The following GATB variants were observed in gnomAD, a reference collection of about 807,000 sequenced individuals.
GATB encodes the protein glutamyl-tRNA amidotransferase subunit B, also known as glutamyl-tRNA(Gln) amidotransferase subunit B, mitochondrial.
GATB carries 39 observed loss-of-function variants against 62.3 expected under a neutral mutation model. That is an observed-to-expected ratio of 0.63 (90% confidence interval 0.48 to 0.82). The LOEUF (loss-of-function observed/expected upper bound fraction) is 0.82. Among genes scored for constraint, GATB ranks in the 40% least tolerant of loss-of-function variants. The probability of loss-of-function intolerance (pLI) is 0.00; values close to 1 mark genes in which losing one functional copy is unlikely to be tolerated. For synonymous variants in GATB, 276 were observed against 258.9 expected, an observed-to-expected ratio of 1.07 and a Z score of -0.63; for missense variants, 670 against 684.0, an observed-to-expected ratio of 0.98 and a Z score of 0.23.
At chr4:151,712,440 A>G (rs1738836274) in intron 5 of GATB, among the ~76,000 whole-genome samples, 1 of 152,220 alleles carries the variant, frequency 6.6e-6, no homozygotes, top group Non-Finnish European at 1.5e-5. Flanking sequence ...AGAGATTTAT[A>G]ACAGCAAAAC....
chr4:151,726,241 C>T (rs1446181582), intron 2 of GATB, among the ~76,000 whole-genome samples: 1 of 152,190 alleles, frequency 6.6e-6, no homozygotes, highest in Admixed American at 6.5e-5. Flanking sequence ...TGAACTCCCT[C>T]TGATTCATAT....
intron 2 of GATB, chr4:151,724,422 A>AACAC (rs1739090111): frequency 6.6e-6 from 1 of 152,218 alleles, no homozygotes; most frequent in Non-Finnish European, 1.5e-5. Flanking sequence ...ACCTTTTTGA[A>AACAC]GGATAAATCT....
chr4:151,703,841 G>A lies in GATB; in HGVS notation c.1007+10C>T, dbSNP rs921788894. ...ATATATAGCGGTATTTTGCCATAAG[G>A]AGTAACCACCTGTAGTCCTGTTTTC... On this transcript the variant is annotated intron_variant, in intron 8 of 12. Transcript: ENST00000263985. The A allele has an allele frequency of 1.3e-6, 2 of 1,573,572 alleles. No individual in the cohort carries two copies. The highest frequency in any genetic ancestry group is 1.1e-5 in the South Asian group (1 of 90,304).
At chr4:151,696,963 C>A (rs1196631384) in intron 9 of GATB, among the ~76,000 whole-genome samples, 2 of 152,210 alleles carry the variant, frequency 1.3e-5, no homozygotes, top group Non-Finnish European at 2.9e-5. Flanking sequence ...TCAGCTTCAA[C>A]ATTTCTATTC....
intron 2 of GATB, among the ~76,000 whole-genome samples, chr4:151,740,462 A>G (rs1283790893): frequency 6.6e-6 from 1 of 152,254 alleles, no homozygotes; most frequent in Non-Finnish European, 1.5e-5. Flanking sequence ...GTATTTGTGT[A>G]TCTAAACATA....
At chr4:151,759,037 G>T in intron 1 of GATB, 115 bp from the exon 2 acceptor site, 1 of 616,814 alleles carries the variant, frequency 1.6e-6, no homozygotes, top group Non-Finnish European at 2.6e-6. Flanking sequence ...TTAATACAAT[G>T]TTATATCCTC....
At chr4:151,697,967 A>ATATATATATATGTG (rs1553967156) in intron 9 of GATB, among the ~76,000 whole-genome samples, 1,109 of 101,730 alleles carry the variant, frequency 0.011, 21 homozygotes, top group South Asian at 0.034. Context: ...ATATATATAT[A>ATATATATATATGTG]TATATATATA....
chr4:151,756,428 C>T (rs17275724), intron 2 of GATB, among the ~76,000 whole-genome samples: 28,886 of 152,124 alleles, frequency 0.19, 3,570 homozygotes, highest in Non-Finnish European at 0.27. Context: ...TTTTGAATGG[C>T]AATGCTTAAT....
intron 10 of GATB, among the ~76,000 whole-genome samples, chr4:151,681,552 C>G (rs1738137939): frequency 6.6e-6 from 1 of 152,188 alleles, no homozygotes; most frequent in African/African-American, 2.4e-5. Context: ...GGCCCATTAT[C>G]TTAGAATGCA....
chr4:151,693,523 G>T (rs924149716), intron 9 of GATB, among the ~76,000 whole-genome samples: 1 of 152,304 alleles, frequency 6.6e-6, no homozygotes, highest in Admixed American at 6.5e-5. Flanking sequence ...AAGAGTGTCA[G>T]GAGAAAGCTA....
In GATB at chr4:151,679,883, G is replaced by A. The variant is rs1738099764; in HGVS notation, c.1340C>T (p.Thr447Ile). ...AAGAAGCTCAGCGAGTGCAGAGGGT[G>A]TGACAGGACTGGTGGCCCCCAAAAG... Reference protein sequence around the residue: ...QNLAVSESPVTPSALAELLDL... With the variant: ...QNLAVSESPVIPSALAELLDL... The change falls in exon 11 of 13, where the codon ACA (threonine) becomes ATA (isoleucine). Residue 447 changes from threonine (T) to isoleucine (I), a missense_variant. Physicochemically the swap from Thr to Ile is moderately conservative, Grantham distance 89. Coordinates refer to ENST00000263985, the MANE Select transcript of GATB (RefSeq NM_004564.3). 2 of 1,613,986 alleles carry A rather than the reference G, an allele frequency of 1.2e-6. No individual in the cohort carries two copies. The highest frequency in any genetic ancestry group is 2.7e-5 in the African/African-American group (2 of 74,908).
At chr4:151,689,376 T>TAATA in intron 9 of GATB, among the ~76,000 whole-genome samples, 1 of 152,082 alleles carries the variant, frequency 6.6e-6, no homozygotes, top group East Asian at 1.9e-4. Flanking sequence ...TTAGGCCACT[T>TAATA]AATAACAGGT....
At chr4:151,716,271 T>A in intron 4 of GATB, 140 bp from the exon 5 acceptor site, 154 of 420,658 alleles carry the variant, frequency 3.7e-4, no homozygotes, top group Middle Eastern at 7.1e-4. Flanking sequence ...TTCTCTTCCC[T>A]CCCACCTTTT....
chr4:151,672,515 C>T, intron 12 of GATB: 1 of 456,032 alleles, frequency 2.2e-6, no homozygotes. Context: ...TTTTAAACTA[C>T]ACCTCCATGG....
intron 2 of GATB, among the ~76,000 whole-genome samples, chr4:151,727,869 G>A (rs1051069255): frequency 2.0e-5 from 3 of 152,104 alleles, no homozygotes; most frequent in Non-Finnish European, 2.9e-5. Flanking sequence ...TATCTCAATC[G>A]AATCTTTCAT....
intron 12 of GATB, 152 bp from the exon 13 acceptor site, chr4:151,671,454 C>T (rs1293005936): frequency 1.8e-5 from 13 of 724,766 alleles, no homozygotes; most frequent in Non-Finnish European, 2.7e-5. Flanking sequence ...AGGGGAGGGG[C>T]CTCACTTCTG....
intron 1 of GATB, 70 bp downstream of exon 1, chr4:151,760,737 T>C (rs1739936756): frequency 1.0e-5 from 14 of 1,391,196 alleles, no homozygotes; most frequent in Non-Finnish European, 1.3e-5. Context: ...GGGCCGTAAT[T>C]GCCATTATTT....
In GATB at chr4:151,708,031, T is replaced by C; in HGVS notation, c.834A>G (p.Glu278=). Residue 278 remains glutamate, a synonymous_variant, in exon 6 of 13, where the codon GAA becomes GAG. Coordinates refer to ENST00000263985, the MANE Select transcript of GATB (RefSeq NM_004564.3). ...HPGEPLGVRT[E]VKNLNSIRFL... is the part of the protein sequence containing the mutation. ...ACCTGATGCTGTTGAGATTCTTCAC[T>C]TCCGTTCGAACGCCCAAAGGCTCCC... 6.2e-7 allele frequency: 1 copy of C among 1,614,162 alleles called. No individual in the cohort carries two copies. Among genetic ancestry groups the C allele is most frequent in the South Asian group, 1.1e-5 (1 of 91,086 alleles).
Position 151,716,865 on chromosome 4 carries a change from T to C in GATB, c.640+11A>G, listed in dbSNP as rs2126977787. The stretch of plus-strand genomic sequence containing the variant: ...TAGGAAGGAGAAATAATGAAAACAC[T>C]CCAAGCCTACCTGCCCTGTTCAAAT... On this transcript the variant is annotated intron_variant, in intron 4 of 12. Coordinates refer to ENST00000263985, the MANE Select transcript of GATB (RefSeq NM_004564.3). 1 of 1,613,550 alleles carries C rather than the reference T, an allele frequency of 6.2e-7. No homozygotes were observed. Among genetic ancestry groups the C allele is most frequent in the Middle Eastern group, 1.6e-4 (1 of 6,062 alleles).
Sources: allele counts gnomAD v4.1 joint callset (sites outside exome capture counted in the v4.1 genomes callset), GRCh38; gene constraint gnomAD v4.1.1; transcripts MANE v1.5; gene names NCBI Gene and HGNC (gene_info 2026-07-23, HGNC 2026-07-21).